Variants in FBXO2 observed in about 807,000 individuals in gnomAD.
FBXO2 encodes F-box protein 2, also known as F-box only protein 2.
FBXO2 carries 32 observed loss-of-function variants against 38.6 expected under a neutral mutation model. The ratio of observed to expected loss-of-function variants is 0.83; its 90% CI spans 0.62 to 1.11. The LOEUF (loss-of-function observed/expected upper bound fraction) is 1.11. Ranked by LOEUF, FBXO2 falls within the 50% of genes most tolerant of loss-of-function variation. The probability of loss-of-function intolerance (pLI) is 0.00; values close to 1 mark genes in which losing one functional copy is unlikely to be tolerated. For synonymous variants in FBXO2, 189 were observed against 182.9 expected, an observed-to-expected ratio of 1.03 and a Z score of -0.27; for missense variants, 450 against 418.3, an observed-to-expected ratio of 1.08 and a Z score of -0.66.
chr1:11,651,186 C>T (rs7538238), intron 1 of FBXO2, among the ~76,000 whole-genome samples: 9,680 of 152,226 alleles, frequency 0.064, 1,075 homozygotes, highest in African/African-American at 0.22. Context: ...TCCTCCCAAC[C>T]ACCCTCTGAG....
chr1:11,649,434 CG>C, intron 4 of FBXO2: 1 of 605,204 alleles, frequency 1.7e-6, no homozygotes, highest in Non-Finnish European at 2.9e-6. Flanking sequence ...GAGCGAAACA[CG>C]AGGACTACAT....
Position 11,650,587 on chromosome 1 carries a change from GAGCAGCCAC to G in FBXO2, c.261_269del (p.Trp88_Leu90del). 2 of 1,594,550 alleles carry G rather than the reference GAGCAGCCAC, an allele frequency of 1.3e-6. No homozygotes were observed. The highest frequency in any genetic ancestry group is 1.7e-6 in the Non-Finnish European group (2 of 1,173,348). On this transcript the variant is annotated inframe_deletion, in exon 2 of 6. Coordinates refer to ENST00000354287, the MANE Select transcript of FBXO2 (RefSeq NM_012168.6). ...GCACCAGCCCCTCCTGCTGGCACTT[GAGCAGCCAC>G]AGCGGGGCGCCGTCCACCAGCTCCT... is the stretch of plus-strand genomic sequence containing the variant.
chr1:11,650,539 C>G lies in FBXO2; in HGVS notation c.318G>C (p.Glu106Asp). The G allele has an allele frequency of 6.2e-7, 1 of 1,601,702 alleles. No homozygotes were observed. The change falls in exon 2 of 6, where the codon GAG becomes GAC. Residue 106 changes from glutamate to aspartate, a missense_variant. Glu to Asp is a conservative substitution (Grantham distance 45, BLOSUM62 2). Transcript: ENST00000354287. ...GLVPEGGVEE[E>D]RDHWQQFYFL... ...AGTAGAACTGCTGCCAGTGGTCGCG[C>G]TCCTCCTCCACGCCGCCCTCGGGCA...
chr1:11,650,438 C>T, intron 2 of FBXO2, 28 bp downstream of exon 2: 4 of 1,599,006 alleles, frequency 2.5e-6, no homozygotes, highest in Non-Finnish European at 2.6e-6. Flanking sequence ...GCAGGGGAAG[C>T]TGAGCTCGCC....
intron 5 of FBXO2, 82 bp downstream of exon 5, chr1:11,649,005 G>GCCCAC: frequency 5.2e-6 from 7 of 1,357,742 alleles, no homozygotes; most frequent in African/African-American, 1.4e-5. Flanking sequence ...CCCCAGCCCA[G>GCCCAC]GAGCGCTGTG....
In FBXO2 at chr1:11,648,958, AC is replaced by A. The variant is rs1639464761; in HGVS notation, c.756+128del. 2.1e-6 allele frequency: 3 copies of A among 1,426,940 alleles called. No homozygotes were observed. The highest frequency in any genetic ancestry group is 1.3e-5 in the South Asian group (1 of 77,796). 88.4% of individuals were successfully genotyped at this position (1,426,940 alleles called of 1,614,324 possible). Reference sequence around the variant, plus strand: ...CGCGGTATTCAGAACTCTCTCCACCACCCGGTGACTATCTCAGCCCAGCCCA... The same window carrying A: ...CGCGGTATTCAGAACTCTCTCCACCACCGGTGACTATCTCAGCCCAGCCCA... On this transcript the variant is annotated intron_variant, in intron 5 of 5. Transcript: ENST00000354287. The surrounding 1 kb of genome is among the most constrained non-coding windows in gnomAD (Gnocchi z 4.2).
chr1:11,649,044 A>G (rs1288366693), intron 5 of FBXO2, 43 bp downstream of exon 5: 3 of 1,511,214 alleles, frequency 2.0e-6, no homozygotes, highest in Non-Finnish European at 2.7e-6. Flanking sequence ...CACGCCCCTC[A>G]TGTCCGTGCC....
At position 11,650,087 on chromosome 1, in the gene FBXO2, G is replaced by A. The variant is rs1328828001; in HGVS notation, c.392-13C>T. On this transcript the variant is annotated splice_polypyrimidine_tract_variant and intron_variant, in intron 2 of 5. Coordinates refer to ENST00000354287, the MANE Select transcript of FBXO2 (RefSeq NM_012168.6). ...CCTTCCAAGTCCTCTGTAGGGACAC[G>A]ACAGCCCCACCCTGGTCACTCAGTC... 8 of 1,613,650 alleles carry A rather than the reference G, an allele frequency of 5.0e-6. No homozygotes were observed. The highest frequency in any genetic ancestry group is 4.0e-5 in the African/African-American group (3 of 75,002).
intron 1 of FBXO2, among the ~76,000 whole-genome samples, chr1:11,653,748 A>G (rs936802882): frequency 2.6e-5 from 4 of 152,030 alleles, no homozygotes; most frequent in African/African-American, 9.7e-5. Context: ...GCCAGAGAGG[A>G]TGACTGGGCA....
intron 1 of FBXO2, among the ~76,000 whole-genome samples, chr1:11,653,196 C>T (rs1419129453): frequency 2.0e-5 from 3 of 152,184 alleles, no homozygotes; most frequent in South Asian, 2.1e-4. Context: ...CTGGCCCCAT[C>T]GGACACCTGA....
rs569047207 is a variant in FBXO2, at chr1:11,648,923, T to C, written c.757-95A>G. ...ACCGACCGACCTGCAGCTCCCCCAC[T>C]CGGTTTCTCCGCGGTATTCAGAACT... On this transcript the variant is annotated intron_variant, in intron 5 of 5. Transcript: ENST00000354287. This position sits in a 1 kb window ranked among gnomAD's most constrained non-coding sequence, Gnocchi z 4.2. 4 of 1,555,888 alleles carry C rather than the reference T, an allele frequency of 2.6e-6. No individual in the cohort carries two copies. The East Asian group carries it at 9.1e-5, about 35-fold the overall frequency.
Position 11,648,615 on chromosome 1 carries a change from G to A in FBXO2, c.*79C>T. On this transcript the variant is annotated 3_prime_UTR_variant, in exon 6 of 6. Transcript: ENST00000354287. The surrounding 1 kb of genome is among the most constrained non-coding windows in gnomAD (Gnocchi z 4.2). ...TGTGTGGCTTGGGGAAGGTGAGGAC[G>A]CTATGGACTAAGTTAAGGCCTATCT... 3 of 1,549,482 alleles carry A rather than the reference G, an allele frequency of 1.9e-6. No individual in the cohort carries two copies. The highest frequency in any genetic ancestry group is 2.3e-5 in the South Asian group (2 of 86,264).
In FBXO2 at chr1:11,650,080, G is replaced by C; in HGVS notation, c.392-6C>G. ...ACACCAGCCTTCCAAGTCCTCTGTA[G>C]GGACACGACAGCCCCACCCTGGTCA... On this transcript the variant is annotated splice_region_variant and splice_polypyrimidine_tract_variant and intron_variant, in intron 2 of 5. Transcript: ENST00000354287. 2 of 1,613,886 alleles carry C rather than the reference G, an allele frequency of 1.2e-6. No homozygotes were observed. Among genetic ancestry groups the C allele is most frequent in the South Asian group, 1.1e-5 (1 of 91,054 alleles).
intron 2 of FBXO2, 128 bp downstream of exon 2, chr1:11,650,338 C>A: frequency 6.9e-7 from 1 of 1,459,498 alleles, no homozygotes; most frequent in East Asian, 2.5e-5. Context: ...TAATAGACAG[C>A]CTTGGGGCTA....
At position 11,649,245 on chromosome 1, in the gene FBXO2, G is replaced by A. The variant is rs540294665; in HGVS notation, c.618-20C>T. 2.9e-4 allele frequency: 441 copies of A among 1,496,310 alleles called. 6 individuals are homozygous for A. In the South Asian group the frequency reaches 5.3e-3, roughly 18 times the overall value. 92.7% of individuals were successfully genotyped at this position (1,496,310 alleles called of 1,614,324 possible). ...GAGTACCTGCTCAGAGGGAGGGAGC[G>A]AGGTGGGGGGCGGGAGGTGGGGTGG... On this transcript the variant is annotated intron_variant, in intron 4 of 5. Transcript: ENST00000354287.
At position 11,648,523 on chromosome 1, in the gene FBXO2, C is replaced by G. The variant is rs886665444; in HGVS notation, c.*171G>C. ...TCTAGAAGCCGGCTACCTAAGCAAA[C>G]CTATGCCAACAAAACTTCTCTCTCC... On this transcript the variant is annotated 3_prime_UTR_variant, in exon 6 of 6. Transcript: ENST00000354287. This position sits in a 1 kb window ranked among gnomAD's most constrained non-coding sequence, Gnocchi z 4.2. 2 of 932,006 alleles carry G rather than the reference C, an allele frequency of 2.1e-6. No individual in the cohort carries two copies. The highest frequency in any genetic ancestry group is 3.2e-6 in the Non-Finnish European group (2 of 633,528). The allele number at this position is 932,006 out of a possible 1,614,324, so 57.7% of individuals were successfully genotyped here. A position where few individuals can be genotyped will look rare whatever the true frequency, so the allele number is the denominator to read the frequency against.
At chr1:11,650,984 A>G (rs1639511501) in intron 1 of FBXO2, 150 bp from the exon 2 acceptor site, 1 of 1,234,502 alleles carries the variant, frequency 8.1e-7, no homozygotes. Flanking sequence ...CTGGTGCCCA[A>G]GGAGGAGGGC....
At chr1:11,649,263 T>C (rs745455237) in intron 4 of FBXO2, 38 bp from the exon 5 acceptor site, 2 of 76,294 alleles carry the variant, frequency 2.6e-5, no homozygotes, top group African/African-American at 1.3e-4. Flanking sequence ...GGGCGGGAGG[T>C]GGGGTGGGGG....
At chr1:11,649,547 C>T in intron 4 of FBXO2, 2 of 593,050 alleles carry the variant, frequency 3.4e-6, no homozygotes, top group Non-Finnish European at 6.0e-6. Flanking sequence ...TACATATATA[C>T]AAACATATAT....
Sources: gnomAD v4.1 joint callset for allele counts (sites outside exome capture counted in the v4.1 genomes callset) on GRCh38, gnomAD v4.1.1 for gene constraint, Gnocchi (gnomAD v3.1) non-coding constraint, MANE v1.5 for transcripts, NCBI Gene and HGNC (gene_info 2026-07-23, HGNC 2026-07-21) for gene names.